Variants in ADCY2 observed in about 807,000 individuals in gnomAD.
ADCY2 encodes adenylate cyclase 2.
Under a neutral mutation model 125.2 loss-of-function variants are expected in ADCY2, and 31 were observed. That is an observed-to-expected ratio of 0.25 (90% CI 0.19 to 0.33). The LOEUF (loss-of-function observed/expected upper bound fraction) is 0.33. Ranked by LOEUF, ADCY2 falls within the 10% of genes least tolerant of loss-of-function variation. The probability of loss-of-function intolerance (pLI) is 1.00; values close to 1 mark genes in which losing one functional copy is unlikely to be tolerated. For synonymous variants in ADCY2, 512 were observed against 548.4 expected (o/e 0.93, Z 0.93); for missense variants, 904 against 1,418.2 (o/e 0.64, Z 5.82).
intron 13 of ADCY2, 74 bp from the exon 14 acceptor site, chr5:7,727,090 A>G: frequency 8.8e-7 from 1 of 1,139,024 alleles, no homozygotes; most frequent in Non-Finnish European, 1.3e-6. Context: ...TCTGGGTACA[A>G]CTAGGCTGCT....
chr5:7,457,825 T>G (rs1361985362), intron 2 of ADCY2, among the ~76,000 whole-genome samples: 1 of 152,160 alleles, frequency 6.6e-6, no homozygotes, highest in Non-Finnish European at 1.5e-5. Context: ...CAGAACACAG[T>G]GTGTTCGTAG....
At chr5:7,814,402 T>C (rs1012387671) in intron 22 of ADCY2, among the ~76,000 whole-genome samples, 2 of 148,710 alleles carry the variant, frequency 1.3e-5, no homozygotes, top group Non-Finnish European at 3.0e-5. Context: ...CAATGAGAGG[T>C]GAAGGATGCC....
At chr5:7,693,408 T>TC (rs1164222862) in intron 5 of ADCY2, among the ~76,000 whole-genome samples, 1 of 67,592 alleles carries the variant, frequency 1.5e-5, no homozygotes, top group Non-Finnish European at 3.7e-5. Flanking sequence ...TGCCTGCTGT[T>TC]TTTTGTTTTT....
chr5:7,743,694 G>A lies in ADCY2; in HGVS notation c.1898G>A (p.Gly633Glu). Residue 633 changes from glycine to glutamate, a missense_variant, in exon 15 of 25, where the codon GGG becomes GAG. Transcript: ENST00000338316. Reference sequence around the variant, plus strand: ...ACGTCCGTCCTGGGCATCTCCTTTGGGGCTGCGTTTCTCTTGCTGGCCTTC... The same window carrying A: ...ACGTCCGTCCTGGGCATCTCCTTTGAGGCTGCGTTTCTCTTGCTGGCCTTC... ...PKTSVLGISF[G>E]AAFLLLAFIL... 1 of 1,614,014 alleles carries A rather than the reference G, an allele frequency of 6.2e-7. No homozygotes were observed. The highest frequency in any genetic ancestry group is 8.5e-7 in the Non-Finnish European group (1 of 1,179,980).
At position 7,520,639 on chromosome 5, in the gene ADCY2, C is replaced by T. The variant is rs1002303784; in HGVS notation, c.409-99C>T. 5 of 1,312,262 alleles carry T rather than the reference C, an allele frequency of 3.8e-6. No homozygotes were observed. The Admixed American group carries it at 7.3e-5, about 19-fold the overall frequency. 81.3% of individuals were successfully genotyped at this position (1,312,262 alleles called of 1,614,324 possible). A position where few individuals can be genotyped will look rare whatever the true frequency, so the allele number is the denominator to read the frequency against. On this transcript the variant is annotated intron_variant, in intron 2 of 24. Coordinates refer to ENST00000338316, the MANE Select transcript of ADCY2 (RefSeq NM_020546.3). ...TAGATTATTTCTAAAATGAGCATGTCTCATGCTGTTCTATGCAGCCTTTAG... is the reference window on the plus strand; with the variant it reads ...TAGATTATTTCTAAAATGAGCATGTTTCATGCTGTTCTATGCAGCCTTTAG...
rs1382437611 is a variant in ADCY2, at chr5:7,731,400, C to T, written c.1871+4139C>T. Reference sequence around the variant, plus strand: ...CCTCCTGAGTAGCTCGGATTGCAGGCGCCCAACATCACGCCCAGCTGATTT... The same window carrying T: ...CCTCCTGAGTAGCTCGGATTGCAGGTGCCCAACATCACGCCCAGCTGATTT... On this transcript the variant is annotated intron_variant, in intron 14 of 24. Coordinates refer to ENST00000338316, the MANE Select transcript of ADCY2 (RefSeq NM_020546.3). Among the ~76,000 whole-genome samples the T allele has an allele frequency of 4.2e-4, 63 of 151,170 alleles. 1 individual carries two copies. Among genetic ancestry groups the T allele is most frequent in the African/African-American group, 1.4e-3 (58 of 41,222 alleles).
At chr5:7,483,580 T>A (rs1742815512) in intron 2 of ADCY2, among the ~76,000 whole-genome samples, 1 of 152,218 alleles carries the variant, frequency 6.6e-6, no homozygotes, top group African/African-American at 2.4e-5. Context: ...TTAAGACTTT[T>A]TTGTACTGTT....
intron 6 of ADCY2, among the ~76,000 whole-genome samples, chr5:7,696,952 GC>G (rs1289512777): frequency 6.6e-6 from 1 of 152,298 alleles, no homozygotes; most frequent in Non-Finnish European, 1.5e-5. Flanking sequence ...CTTAAATGAT[GC>G]CTTAAAAGTT....
At chr5:7,817,695 C>T (rs1244433757) in intron 23 of ADCY2, among the ~76,000 whole-genome samples, 1 of 151,846 alleles carries the variant, frequency 6.6e-6, no homozygotes, top group African/African-American at 2.4e-5. Flanking sequence ...TGGCGGCGCA[C>T]GCCTGTAGTC....
chr5:7,685,290 G>A (rs1316925023), intron 4 of ADCY2: 4 of 152,260 alleles, frequency 2.6e-5, no homozygotes, highest in South Asian at 2.1e-4. Context: ...GTAAGTTCTA[G>A]AAAGGGCCTC....
intron 3 of ADCY2, among the ~76,000 whole-genome samples, chr5:7,578,134 T>C (rs1335802067): frequency 6.6e-6 from 1 of 152,204 alleles, no homozygotes; most frequent in Admixed American, 6.5e-5. Flanking sequence ...TTGTGCAAAC[T>C]TGCAAAATTT....
At chr5:7,600,991 A>C (rs1737182190) in intron 3 of ADCY2, among the ~76,000 whole-genome samples, 1 of 152,210 alleles carries the variant, frequency 6.6e-6, no homozygotes, top group South Asian at 2.1e-4. Context: ...CAAATTTTCA[A>C]GAATTTTTGG....
chr5:7,504,137 G>A (rs1287660175), intron 2 of ADCY2, among the ~76,000 whole-genome samples: 2 of 152,184 alleles, frequency 1.3e-5, no homozygotes, highest in South Asian at 2.1e-4. Flanking sequence ...AATATCAGCC[G>A]AAGGCATTCT....
intron 2 of ADCY2, among the ~76,000 whole-genome samples, chr5:7,442,420 G>C (rs1741048230): frequency 6.6e-6 from 1 of 152,088 alleles, no homozygotes. Flanking sequence ...ACCTCTAATG[G>C]CTTCATTAGA....
At chr5:7,643,554 A>G (rs1238309809) in intron 4 of ADCY2, among the ~76,000 whole-genome samples, 1 of 145,802 alleles carries the variant, frequency 6.9e-6, no homozygotes, top group Non-Finnish European at 1.5e-5. Flanking sequence ...TTTTGGTTTC[A>G]TTTCTTTTTT....
intron 2 of ADCY2, among the ~76,000 whole-genome samples, chr5:7,505,265 T>G (rs1180931338): frequency 6.6e-6 from 1 of 152,218 alleles, no homozygotes; most frequent in Non-Finnish European, 1.5e-5. Context: ...TGAATCTCAT[T>G]GTTTTAAATA....
chr5:7,674,046 G>A (rs370861029), intron 4 of ADCY2, among the ~76,000 whole-genome samples: 2 of 146,444 alleles, frequency 1.4e-5, no homozygotes, highest in African/African-American at 5.1e-5. Flanking sequence ...GCCGCCCGCT[G>A]GCAGGGGCCT....
intron 3 of ADCY2, among the ~76,000 whole-genome samples, chr5:7,593,957 CA>C (rs1451911317): frequency 3.3e-5 from 5 of 152,140 alleles, no homozygotes; most frequent in African/African-American, 1.2e-4. Flanking sequence ...ACTCTAGGTA[CA>C]AAGTGCAAGA....
rs191044105 is a variant in ADCY2, at chr5:7,718,403, C to T, written c.1703+1166C>T. ...GACCTCATGATCCACCCGCCTCAGC[C>T]TCCCAAAGTGCTGGGATTACAGGTG... is the stretch of plus-strand genomic sequence containing the variant. On this transcript the variant is annotated intron_variant, in intron 12 of 24. Coordinates refer to ENST00000338316, the MANE Select transcript of ADCY2 (RefSeq NM_020546.3). 2.2e-4 allele frequency among the ~76,000 whole-genome samples: 34 copies of T among 152,220 alleles called. No homozygotes were observed. The East Asian group carries it at 6.0e-3, about 27-fold the overall frequency.
Sources: allele counts gnomAD v4.1 joint callset (sites outside exome capture counted in the v4.1 genomes callset), GRCh38; gene constraint gnomAD v4.1.1; transcripts MANE v1.5; gene names NCBI Gene and HGNC (gene_info 2026-07-23, HGNC 2026-07-21).